The following ENO1 variants were observed in gnomAD, a reference collection of about 807,000 sequenced individuals.
ENO1 encodes alpha-enolase.
A neutral mutation model predicts 46.3 loss-of-function variants in ENO1; 33 were observed. The observed-to-expected ratio is 0.71, with a 90% CI of 0.54 to 0.95. The LOEUF (loss-of-function observed/expected upper bound fraction) is 0.95. Ranked by LOEUF, ENO1 falls within the 40% of genes least tolerant of loss-of-function variation. The pLI is 0.00. For synonymous variants in ENO1, 220 were observed against 216.0 expected, an observed-to-expected ratio of 1.02 and a Z score of -0.16; for missense variants, 488 against 553.3, an observed-to-expected ratio of 0.88 and a Z score of 1.18.
At position 8,863,076 on chromosome 1, in the gene ENO1, C is replaced by T. The variant is rs1642438359; in HGVS notation, c.1177-131G>A. 2.2e-6 allele frequency: 3 copies of T among 1,369,276 alleles called. No homozygotes were observed. In the Admixed American group the frequency reaches 6.1e-5, roughly 28 times the overall value. The allele number at this position is 1,369,276 out of a possible 1,614,324, so 84.8% of individuals were successfully genotyped here. ...CTAGGAAAGTGGGGGCCACAACATA[C>T]AGGCAGGGCGCTCATGCCCCCATTC... On this transcript the variant is annotated intron_variant, in intron 10 of 11. Transcript: ENST00000234590.
intron 1 of ENO1, chr1:8,878,224 C>G (rs573644434): frequency 5.0e-6 from 1 of 199,430 alleles, no homozygotes; most frequent in African/African-American, 2.4e-5. Flanking sequence ...CACTTGGCTA[C>G]GATGGAAAAG....
chr1:8,875,152 G>C (rs1263096776), intron 1 of ENO1, among the ~76,000 whole-genome samples: 5 of 152,156 alleles, frequency 3.3e-5, no homozygotes, highest in Non-Finnish European at 7.3e-5. Flanking sequence ...TTTATGCCTA[G>C]TATTCCATTA....
At chr1:8,863,386 T>A in intron 9 of ENO1, 43 bp from the exon 10 acceptor site, 1 of 1,578,962 alleles carries the variant, frequency 6.3e-7, no homozygotes, top group Non-Finnish European at 8.6e-7. Flanking sequence ...TCCCATTTTC[T>A]GGTTCCATAA....
chr1:8,867,292 T>C (rs1315530863), intron 5 of ENO1, 42 bp from the exon 6 acceptor site: 3 of 1,608,526 alleles, frequency 1.9e-6, no homozygotes, highest in Admixed American at 1.7e-5. Context: ...TCATTTCTGA[T>C]TCACCAGCTT....
At chr1:8,874,031 A>C (rs906261635) in intron 2 of ENO1, 1 of 152,248 alleles carries the variant, frequency 6.6e-6, no homozygotes, top group South Asian at 2.1e-4. Flanking sequence ...CAAAGCCTAC[A>C]GGTAAAAACT....
Position 8,864,022 on chromosome 1 carries a change from T to G in ENO1, c.936A>C (p.Gly312=), listed in dbSNP as rs780909954. Residue 312 remains glycine, a synonymous_variant, in exon 9 of 12, where the codon GGA becomes GGC. Coordinates refer to ENST00000234590, the MANE Select transcript of ENO1 (RefSeq NM_001428.5). ...TGAGATCATCCCCCACTACCTGGAT[T>G]CCTGCACTGGCTGTGAACTTCTGCC... ...GAWQKFTASA[G]IQVVGDDLTV... 5 of 1,614,164 alleles carry G rather than the reference T, an allele frequency of 3.1e-6. No homozygotes were observed. The highest frequency in any genetic ancestry group is 3.4e-6 in the Non-Finnish European group (4 of 1,180,038).
At position 8,869,922 on chromosome 1, in the gene ENO1, G is replaced by A. The variant is rs1229454875; in HGVS notation, c.240+530C>T. Among the ~76,000 whole-genome samples the A allele has an allele frequency of 5.9e-5, 9 of 152,274 alleles. No individual in the cohort carries two copies. In the South Asian group the frequency reaches 8.3e-4, roughly 14 times the overall value. On this transcript the variant is annotated intron_variant, in intron 4 of 11. Transcript: ENST00000234590. ...ATCTGATGAGCGCCACAGGAATTAC[G>A]GAGGGACGGGCCGAAGGGAGGGTAA...
intron 3 of ENO1, chr1:8,870,758 G>GAT: frequency 7.0e-7 from 1 of 1,420,268 alleles, no homozygotes; most frequent in Non-Finnish European, 9.2e-7. Context: ...GATCTGACTG[G>GAT]AGGTTAGTTT....
chr1:8,870,968 G>C, intron 3 of ENO1: 3 of 1,246,426 alleles, frequency 2.4e-6, no homozygotes, highest in Non-Finnish European at 3.0e-6. Context: ...GAGACAGTGA[G>C]GGGGCAGGAA....
intron 4 of ENO1, among the ~76,000 whole-genome samples, chr1:8,869,265 C>T (rs1642583084): frequency 6.8e-6 from 1 of 147,508 alleles, no homozygotes; most frequent in South Asian, 2.1e-4. Context: ...TCGTGTGAGT[C>T]ACACTATGCA....
chr1:8,874,040 C>A (rs1053375954), intron 2 of ENO1: 3 of 152,182 alleles, frequency 2.0e-5, no homozygotes, highest in East Asian at 3.8e-4. Flanking sequence ...CAGGTAAAAA[C>A]TGTCCTTGAT....
chr1:8,867,544 C>CA (rs201748288), intron 5 of ENO1, among the ~76,000 whole-genome samples: 31 of 112,200 alleles, frequency 2.8e-4, no homozygotes, highest in African/African-American at 8.4e-4. Flanking sequence ...ACCTGATATT[C>CA]AAAAAAAATT....
chr1:8,862,755 T>A (rs1642432441), intron 11 of ENO1, 132 bp downstream of exon 11: 2 of 1,016,138 alleles, frequency 2.0e-6, no homozygotes, highest in Non-Finnish European at 1.4e-6. Flanking sequence ...AGGGCCTGGC[T>A]GTCTGCACTG....
intron 1 of ENO1, 47 bp from the exon 2 acceptor site, chr1:8,874,964 G>T (rs1642706491): frequency 6.7e-7 from 1 of 1,492,744 alleles, no homozygotes; most frequent in Non-Finnish European, 9.3e-7. Context: ...CCATAATGCT[G>T]CATTTCCTCA....
intron 3 of ENO1, 133 bp downstream of exon 3, chr1:8,871,758 C>G: frequency 1.6e-6 from 2 of 1,267,432 alleles, no homozygotes; most frequent in Admixed American, 4.4e-5. Context: ...CTTCCATCAA[C>G]ATCATGGGTC....
At chr1:8,868,539 T>C (rs923684069) in intron 4 of ENO1, among the ~76,000 whole-genome samples, 6 of 152,236 alleles carry the variant, frequency 3.9e-5, no homozygotes, top group Non-Finnish European at 8.8e-5. Flanking sequence ...ATGGGAGGCA[T>C]GATTTCTGCA....
chr1:8,865,494 T>A lies in ENO1; in HGVS notation c.668-12A>T. On this transcript the variant is annotated splice_polypyrimidine_tract_variant and intron_variant, in intron 7 of 11. Coordinates refer to ENST00000234590, the MANE Select transcript of ENO1 (RefSeq NM_001428.5). The stretch of plus-strand genomic sequence containing the variant: ...CAGCAGCTCCAGGCCTGGGAAGAGA[T>A]GGTGACAACAGGTTTGGAAAACAGG... 6.2e-7 allele frequency: 1 copy of A among 1,612,312 alleles called. No homozygotes were observed. The highest frequency in any genetic ancestry group is 8.5e-7 in the Non-Finnish European group (1 of 1,179,900).
chr1:8,865,859 G>T, intron 7 of ENO1: 1 of 334,594 alleles, frequency 3.0e-6, no homozygotes, highest in Non-Finnish European at 5.6e-6. Context: ...GCCCAGTGGA[G>T]GCAGCCCGGG....
chr1:8,862,813 G>C (rs1642433516), intron 11 of ENO1, 74 bp downstream of exon 11: 1 of 1,521,098 alleles, frequency 6.6e-7, no homozygotes, highest in African/African-American at 1.4e-5. Flanking sequence ...TCCTGGGGGA[G>C]GGCAGTGCCT....
Sources: allele counts gnomAD v4.1 joint callset (sites outside exome capture counted in the v4.1 genomes callset), GRCh38; gene constraint gnomAD v4.1.1; transcripts MANE v1.5; gene names NCBI Gene and HGNC (gene_info 2026-07-23, HGNC 2026-07-21).